The following NTN1 variants were observed in gnomAD, a reference collection of about 807,000 sequenced individuals.
The protein encoded by NTN1 is netrin-1.
NTN1 carries 11 observed loss-of-function variants against 54.2 expected under a neutral mutation model. The observed-to-expected ratio is 0.20, with a 90% CI of 0.13 to 0.34. NTN1 has a LOEUF of 0.34. Ranked by LOEUF, NTN1 falls within the 10% of genes least tolerant of loss-of-function variation. The pLI is 1.00. For missense variants in NTN1, 740 were observed against 893.1 expected (o/e 0.83, Z 2.18); for synonymous variants, 371 against 382.0 (o/e 0.97, Z 0.33).
chr17:9,219,405 C>A lies in NTN1; in HGVS notation c.1412-1763C>A, dbSNP rs918419971. The stretch of plus-strand genomic sequence containing the variant: ...GAGCAGGGGTGTCATGAAGGGGCTC[C>A]GAGGGCTCAGATCATAGGGAGCAGG... On this transcript the variant is annotated intron_variant, in intron 5 of 6. Coordinates refer to ENST00000173229, the MANE Select transcript of NTN1 (RefSeq NM_004822.3). The surrounding 1 kb of genome is among the most constrained non-coding windows in gnomAD (Gnocchi z 4.5). Among the ~76,000 whole-genome samples the A allele has an allele frequency of 6.6e-6, 1 of 152,132 alleles. No individual in the cohort carries two copies. Among genetic ancestry groups the A allele is most frequent in the Non-Finnish European group, 1.5e-5 (1 of 68,016 alleles).
upstream of NTN1, among the ~76,000 whole-genome samples, chr17:9,019,634 T>C (rs1174013895): frequency 6.6e-6 from 1 of 152,218 alleles, no homozygotes; most frequent in Non-Finnish European, 1.5e-5. Flanking sequence ...GTAGAAAGTA[T>C]TATCTCCCTT....
chr17:9,237,758 G>A (rs149476702), intron 6 of NTN1, among the ~76,000 whole-genome samples: 1 of 152,296 alleles, frequency 6.6e-6, no homozygotes, highest in Non-Finnish European at 1.5e-5. Context: ...CTCCCCCATT[G>A]CTTAGCTAAG....
intron 2 of NTN1, among the ~76,000 whole-genome samples, chr17:9,057,751 C>T (rs757442930): frequency 3.3e-5 from 5 of 152,230 alleles, no homozygotes; most frequent in Admixed American, 6.5e-5. Flanking sequence ...GAAAATGACA[C>T]GTGGCTCCTT....
intron 3 of NTN1, among the ~76,000 whole-genome samples, chr17:9,170,509 AC>A (rs2092384533): frequency 6.6e-6 from 1 of 152,160 alleles, no homozygotes; most frequent in Admixed American, 6.5e-5. Context: ...TTCCCACAGG[AC>A]TGGGCAGGGC....
Position 9,239,562 on chromosome 17 carries a change from C to T in NTN1, c.1487-78C>T, listed in dbSNP as rs1906112554. ...ACTTCCTGGGGCTGGGTCTCCTTTC[C>T]CTTCTCCCCAGGCTCAGGCAGGGCG... On this transcript the variant is annotated intron_variant, in intron 6 of 6. Transcript: ENST00000173229. This position sits in a 1 kb window ranked among gnomAD's most constrained non-coding sequence, Gnocchi z 5.2. 1 of 1,448,562 alleles carries T rather than the reference C, an allele frequency of 6.9e-7. No individual in the cohort carries two copies. 89.7% of individuals were successfully genotyped at this position (1,448,562 alleles called of 1,614,324 possible). A position where few individuals can be genotyped will look rare whatever the true frequency, so the allele number is the denominator to read the frequency against.
At chr17:9,133,398 C>T (rs1454823629) in intron 2 of NTN1, among the ~76,000 whole-genome samples, 1 of 152,222 alleles carries the variant, frequency 6.6e-6, no homozygotes, top group African/African-American at 2.4e-5. Flanking sequence ...GGAGCAGGGC[C>T]ATCTCTCCTC....
At chr17:9,142,622 G>A (rs560232468) in intron 2 of NTN1, among the ~76,000 whole-genome samples, 1 of 152,226 alleles carries the variant, frequency 6.6e-6, no homozygotes, top group Admixed American at 6.5e-5. Flanking sequence ...GGGTGAAAGT[G>A]ACACATCTCA....
chr17:9,053,390 G>A (rs1487076768), intron 2 of NTN1, among the ~76,000 whole-genome samples: 4 of 152,220 alleles, frequency 2.6e-5, no homozygotes, highest in Non-Finnish European at 5.9e-5. Flanking sequence ...TGTTGTAAAA[G>A]CTCTGGACTA....
chr17:9,183,330 G>A (rs1246039503), intron 5 of NTN1: 1 of 535,118 alleles, frequency 1.9e-6, no homozygotes, highest in Admixed American at 2.3e-5. Context: ...CCAGATGCTG[G>A]GGATACAGAA....
chr17:9,019,473 T>A (rs1033452524), upstream of NTN1, among the ~76,000 whole-genome samples: 4 of 152,264 alleles, frequency 2.6e-5, no homozygotes, highest in Non-Finnish European at 5.9e-5. Flanking sequence ...TCTATATGCA[T>A]GTACTATGTG....
chr17:9,093,984 A>G (rs2092122148), intron 2 of NTN1, among the ~76,000 whole-genome samples: 1 of 152,136 alleles, frequency 6.6e-6, no homozygotes, highest in Non-Finnish European at 1.5e-5. Context: ...AAAAAAGAAA[A>G]TGTGGACAAG....
At chr17:9,054,521 G>T in intron 2 of NTN1, among the ~76,000 whole-genome samples, 1 of 152,152 alleles carries the variant, frequency 6.6e-6, no homozygotes, top group East Asian at 1.9e-4. Context: ...TGTAGAGGGG[G>T]GTCTTTTACT....
At chr17:9,181,341 C>T (rs3826472) in intron 4 of NTN1, among the ~76,000 whole-genome samples, 54,463 of 151,932 alleles carry the variant, frequency 0.36, 10,175 homozygotes, top group Middle Eastern at 0.49. Flanking sequence ...CCTGTGTGTG[C>T]ATCCCAGAGC....
At chr17:9,006,003 T>C in the NTN1 span, among the ~76,000 whole-genome samples, 1 of 152,298 alleles carries the variant, frequency 6.6e-6, no homozygotes, top group African/African-American at 2.4e-5. Flanking sequence ...CAGCCGGCCA[T>C]AGGGGGACCC....
intron 2 of NTN1, among the ~76,000 whole-genome samples, chr17:9,101,749 T>C (rs1297672884): frequency 6.6e-6 from 1 of 152,124 alleles, no homozygotes; most frequent in African/African-American, 2.4e-5. Flanking sequence ...CACCAGCACT[T>C]TGGGAGGCTG....
At chr17:9,060,620 A>G (rs72809967) in intron 2 of NTN1, among the ~76,000 whole-genome samples, 17,763 of 152,162 alleles carry the variant, frequency 0.12, 1,381 homozygotes, top group Non-Finnish European at 0.16. Context: ...GGTGTGTAGC[A>G]AACAGCACGG....
chr17:9,083,618 T>TCAA (rs2092079906), intron 2 of NTN1, among the ~76,000 whole-genome samples: 1 of 152,174 alleles, frequency 6.6e-6, no homozygotes, highest in African/African-American at 2.4e-5. Context: ...TTGCTCACCT[T>TCAA]GGATGCTGTG....
chr17:9,021,482 C>G (rs1191558025), upstream of NTN1: 2 of 151,940 alleles, frequency 1.3e-5, no homozygotes, highest in Non-Finnish European at 2.9e-5. Context: ...GGCCCCGCCC[C>G]CCGCCCCCGC....
At chr17:9,020,865 C>G (rs1294638428), upstream of NTN1, among the ~76,000 whole-genome samples, 1 of 152,190 alleles carries the variant, frequency 6.6e-6, no homozygotes, top group Non-Finnish European at 1.5e-5. Flanking sequence ...GCCGCGTTCC[C>G]GACAGACAGG....
Sources: gnomAD v4.1 joint callset for allele counts (sites outside exome capture counted in the v4.1 genomes callset) on GRCh38, gnomAD v4.1.1 for gene constraint, Gnocchi (gnomAD v3.1) non-coding constraint, MANE v1.5 for transcripts, NCBI Gene and HGNC (gene_info 2026-07-23, HGNC 2026-07-21) for gene names.